Variants in CEP192 observed in about 807,000 individuals in gnomAD.
CEP192 encodes the protein centrosomal protein of 192 kDa.
Under a neutral mutation model 271.8 loss-of-function variants are expected in CEP192, and 151 were observed. The ratio of observed to expected loss-of-function variants is 0.56; its 90% confidence interval spans 0.49 to 0.64. The LOEUF is 0.64. Ranked by LOEUF, CEP192 falls within the 30% of genes least tolerant of loss-of-function variation. CEP192 has a pLI of 0.00. For missense variants in CEP192, 2,910 were observed against 3,020.5 expected (o/e 0.96, Z 0.86); for synonymous variants, 995 against 1,076.5 (o/e 0.92, Z 1.48).
At chr18:13,062,422 A>C (rs955356527) in intron 21 of CEP192, among the ~76,000 whole-genome samples, 2 of 152,162 alleles carry the variant, frequency 1.3e-5, no homozygotes, top group African/African-American at 2.4e-5. Flanking sequence ...TTTAAAGTAT[A>C]TGCACCTTTA....
At chr18:13,020,970 G>C (rs2034957507) in intron 9 of CEP192, among the ~76,000 whole-genome samples, 1 of 152,074 alleles carries the variant, frequency 6.6e-6, no homozygotes, top group Non-Finnish European at 1.5e-5. Context: ...TGGATATTAA[G>C]TCCTTACCAA....
At position 13,089,520 on chromosome 18, in the gene CEP192, A is replaced by G. The variant is rs747812662; in HGVS notation, c.6058A>G (p.Ile2020Val). Residue 2020 changes from isoleucine (I) to valine (V), a missense_variant, in exon 33 of 45, where the codon ATT becomes GTT. Ile to Val is a conservative substitution (Grantham distance 29, BLOSUM62 3). Coordinates refer to ENST00000506447, the MANE Select transcript of CEP192 (RefSeq NM_032142.4). ...TCCAGAACATAGTGTGCTTCAAAAC[A>G]TTAATTTTGTTGAAGCATTTCAAGA... is the stretch of plus-strand genomic sequence containing the variant. The part of the protein sequence containing the change: ...ILPEHSVLQN[I>V]NFVEAFQDEL... 1.9e-6 allele frequency: 3 copies of G among 1,606,046 alleles called. No homozygotes were observed. The highest frequency in any genetic ancestry group is 1.7e-5 in the Admixed American group (1 of 58,616).
rs144604046 is a variant in CEP192, at chr18:13,016,036, G to A, written c.640+588G>A. On this transcript the variant is annotated intron_variant, in intron 6 of 44. Coordinates refer to ENST00000506447, the MANE Select transcript of CEP192 (RefSeq NM_032142.4). ...GTTGGGATTACAGGCGTGAGCCATC[G>A]CGCCTGGCCAGAACCATGAAATATT... 2.9e-3 allele frequency among the ~76,000 whole-genome samples: 436 copies of A among 152,244 alleles called. 3 individuals are homozygous for A. Among genetic ancestry groups the A allele is most frequent in the African/African-American group, 0.01 (421 of 41,528 alleles).
intron 40 of CEP192, among the ~76,000 whole-genome samples, chr18:13,109,831 T>C (rs2040128478): frequency 6.6e-6 from 1 of 152,060 alleles, no homozygotes; most frequent in Admixed American, 6.6e-5. Context: ...AGAGACAATT[T>C]TACACGAAAA....
intron 15 of CEP192, among the ~76,000 whole-genome samples, chr18:13,044,015 T>C (rs77212122): frequency 6.6e-6 from 1 of 152,140 alleles, no homozygotes; most frequent in Non-Finnish European, 1.5e-5. Context: ...AATCCAATTA[T>C]ATACTCTTAG....
chr18:13,068,120 G>C lies in CEP192; in HGVS notation c.4641G>C (p.Thr1547=), dbSNP rs145173434. Residue 1547 remains threonine, a synonymous_variant, in exon 23 of 45, where the codon ACG becomes ACC. Transcript: ENST00000506447. The part of the protein sequence containing the change: ...NANAVAWRCF[T]FSKESVRAPV... ...ACGCTGTAGCCTGGCGCTGTTTCAC[G>C]TTTTCCAAGGAATCCGTCCGAGCTC... 1 of 1,614,064 alleles carries C rather than the reference G, an allele frequency of 6.2e-7. No individual in the cohort carries two copies. The highest frequency in any genetic ancestry group is 1.7e-5 in the Admixed American group (1 of 60,006).
intron 30 of CEP192, among the ~76,000 whole-genome samples, chr18:13,079,343 T>A (rs1221594506): frequency 6.6e-6 from 1 of 152,260 alleles, no homozygotes; most frequent in Non-Finnish European, 1.5e-5. Context: ...TGGTGTGAGA[T>A]GATATCTCAT....
intron 42 of CEP192, among the ~76,000 whole-genome samples, chr18:13,115,375 G>A (rs1398860665): frequency 6.6e-6 from 1 of 152,202 alleles, no homozygotes; most frequent in African/African-American, 2.4e-5. Flanking sequence ...GAGTGGAAAC[G>A]GCCTAGGTGA....
Position 13,030,479 on chromosome 18 carries a change from C to A in CEP192, c.1405C>A (p.Gln469Lys). 6.2e-7 allele frequency: 1 copy of A among 1,604,694 alleles called. No individual in the cohort carries two copies. The highest frequency in any genetic ancestry group is 8.5e-7 in the Non-Finnish European group (1 of 1,174,722). ...EKNKDKTDLP[Q>K]SVVYQNEEGR... ...TTATTTTTTAGAAACAGATCTCCCA[C>A]AGAGTGTGGTCTATCAAAATGAAGA... The change falls in exon 11 of 45, where the codon CAG becomes AAG. Residue 469 changes from glutamine to lysine, a missense_variant. Coordinates refer to ENST00000506447, the MANE Select transcript of CEP192 (RefSeq NM_032142.4).
chr18:13,070,971 A>G, intron 27 of CEP192, 68 bp from the exon 28 acceptor site: 1 of 1,310,730 alleles, frequency 7.6e-7, no homozygotes, highest in Admixed American at 1.9e-5. Flanking sequence ...GACAATGGAA[A>G]CATATAGGAA....
chr18:13,074,538 A>T (rs960664317), intron 30 of CEP192, among the ~76,000 whole-genome samples: 2 of 152,202 alleles, frequency 1.3e-5, no homozygotes, highest in African/African-American at 4.8e-5. Flanking sequence ...AATCTCTAGT[A>T]AGTCTCTGGT....
At chr18:13,072,895 C>T (rs770450897) in intron 29 of CEP192, 50 bp downstream of exon 29, 3 of 1,532,836 alleles carry the variant, frequency 2.0e-6, no homozygotes, top group Non-Finnish European at 2.7e-6. Context: ...GGGTCTGGAA[C>T]ACTTGCATAT....
At chr18:13,124,511 T>G (rs1256796931) in intron 44 of CEP192, 121 bp from the exon 45 acceptor site, 1 of 830,074 alleles carries the variant, frequency 1.2e-6, no homozygotes, top group Non-Finnish European at 1.7e-6. Context: ...TAAATACATT[T>G]AAGCTGAATG....
At position 13,123,578 on chromosome 18, in the gene CEP192, C is replaced by T. The variant is rs573543096; in HGVS notation, c.7476-1054C>T. Among the ~76,000 whole-genome samples, 46 of 152,240 alleles carry T rather than the reference C, an allele frequency of 3.0e-4. No individual in the cohort carries two copies. In the South Asian group the frequency reaches 7.3e-3, roughly 24 times the overall value. On this transcript the variant is annotated intron_variant, in intron 44 of 44. Coordinates refer to ENST00000506447, the MANE Select transcript of CEP192 (RefSeq NM_032142.4). ...GTCTTTAAAACACACAGCTCTGAGACGAGACTAAGGGGTGAAGTACCTTCC... is the reference window on the plus strand; with the variant it reads ...GTCTTTAAAACACACAGCTCTGAGATGAGACTAAGGGGTGAAGTACCTTCC...
At chr18:12,998,635 G>A (rs2033411904) in intron 1 of CEP192, among the ~76,000 whole-genome samples, 1 of 152,086 alleles carries the variant, frequency 6.6e-6, no homozygotes, top group African/African-American at 2.4e-5. Flanking sequence ...GCCTATAAAA[G>A]TTCTTCTCAG....
At position 13,056,613 on chromosome 18, in the gene CEP192, A is replaced by G. The variant is rs1018679164; in HGVS notation, c.4023A>G (p.Leu1341=). The change falls in exon 19 of 45, where the codon CTA becomes CTG. Residue 1341 remains leucine (L), a synonymous_variant. Coordinates refer to ENST00000506447, the MANE Select transcript of CEP192 (RefSeq NM_032142.4). ...PYSNTLNQNL[L]STTKPFPVPS... The stretch of plus-strand genomic sequence containing the variant: ...CTAATACCTTAAATCAGAACCTGCT[A>G]AGCACAACAAAACCTTTTCCTGTGC... The G allele has an allele frequency of 1.2e-6, 2 of 1,614,182 alleles. No individual in the cohort carries two copies. The highest frequency in any genetic ancestry group is 1.7e-6 in the Non-Finnish European group (2 of 1,180,004).
intron 9 of CEP192, among the ~76,000 whole-genome samples, chr18:13,026,503 T>C (rs2035309212): frequency 6.6e-6 from 1 of 152,242 alleles, no homozygotes; most frequent in Non-Finnish European, 1.5e-5. Flanking sequence ...TCTGTTTGTC[T>C]TCTCTTTTTG....
chr18:13,042,377 G>C (rs1430786266), intron 15 of CEP192, 43 bp downstream of exon 15: 1 of 1,603,558 alleles, frequency 6.2e-7, no homozygotes, highest in Non-Finnish European at 8.5e-7. Flanking sequence ...TTATCTTGTT[G>C]TAGTTCTTAT....
intron 30 of CEP192, among the ~76,000 whole-genome samples, chr18:13,082,908 T>C (rs1484350753): frequency 1.3e-5 from 2 of 152,228 alleles, no homozygotes; most frequent in African/African-American, 4.8e-5. Flanking sequence ...TATGAAATTC[T>C]GGGTTGAAAA....
Sources: gnomAD v4.1 joint callset for allele counts (sites outside exome capture counted in the v4.1 genomes callset) on GRCh38, gnomAD v4.1.1 for gene constraint, MANE v1.5 for transcripts, NCBI Gene and HGNC (gene_info 2026-07-23, HGNC 2026-07-21) for gene names.